Variants in CAST observed in about 807,000 individuals in gnomAD.
The protein encoded by CAST is calpastatin.
CAST carries 76 observed loss-of-function variants against 119.6 expected under a neutral mutation model. The observed-to-expected ratio is 0.64, with a 90% CI of 0.53 to 0.77. CAST has a LOEUF of 0.77. Among genes scored for constraint, CAST ranks in the 30% least tolerant of loss-of-function variants. CAST has a pLI of 0.00. For missense variants in CAST, 953 were observed against 946.5 expected, an observed-to-expected ratio of 1.01 and a Z score of -0.09; for synonymous variants, 319 against 331.6, an observed-to-expected ratio of 0.96 and a Z score of 0.41.
At chr5:96,004,173 A>G in the CAST span, among the ~76,000 whole-genome samples, 16 of 152,338 alleles carry the variant, frequency 1.1e-4, no homozygotes, top group Non-Finnish European at 1.9e-4. Flanking sequence ...GGCCTCTGTC[A>G]TAGGATGAAA....
the CAST span, among the ~76,000 whole-genome samples, chr5:96,350,638 C>T: frequency 1.8e-3 from 275 of 152,142 alleles, no homozygotes; most frequent in Middle Eastern, 6.8e-3. Flanking sequence ...TGACACAATT[C>T]CCAGCTTGAC....
At chr5:96,348,033 A>G in the CAST span, among the ~76,000 whole-genome samples, 1 of 152,182 alleles carries the variant, frequency 6.6e-6, no homozygotes, top group East Asian at 1.9e-4. Context: ...ATGCCAGACA[A>G]TGTTTTAAGT....
chr5:96,583,859 A>C (rs945961992), intron 1 of CAST, among the ~76,000 whole-genome samples: 1 of 152,172 alleles, frequency 6.6e-6, no homozygotes, highest in Non-Finnish European at 1.5e-5. Flanking sequence ...AGGTATTGAG[A>C]AGTTAAGACA....
At chr5:96,705,243 T>G (rs975672316) in intron 3 of CAST, among the ~76,000 whole-genome samples, 1 of 151,952 alleles carries the variant, frequency 6.6e-6, no homozygotes, top group African/African-American at 2.4e-5. Flanking sequence ...CAGTTGAGCC[T>G]GGGAGGTTAA....
the CAST span, among the ~76,000 whole-genome samples, chr5:96,306,052 A>G: frequency 6.1e-4 from 93 of 152,278 alleles, no homozygotes; most frequent in Middle Eastern, 6.8e-3. Context: ...CTCTGTTAGA[A>G]TTTGGCTGTG....
chr5:96,498,724 A>G, the CAST span, among the ~76,000 whole-genome samples: 2 of 152,224 alleles, frequency 1.3e-5, no homozygotes, highest in African/African-American at 4.8e-5. Context: ...CTTCAGTGAA[A>G]CAATGAACAT....
the CAST span, among the ~76,000 whole-genome samples, chr5:96,514,170 G>A: frequency 2.8e-4 from 42 of 152,220 alleles, no homozygotes; most frequent in African/African-American, 9.4e-4. Context: ...TGGGGGCTAA[G>A]GACTTCAACG....
chr5:95,995,992 CA>C, the CAST span, among the ~76,000 whole-genome samples: 1 of 152,114 alleles, frequency 6.6e-6, no homozygotes, highest in Non-Finnish European at 1.5e-5. Flanking sequence ...CATAGCAGCT[CA>C]AAATCTTTTG....
chr5:96,021,605 C>T, the CAST span, among the ~76,000 whole-genome samples: 2 of 152,072 alleles, frequency 1.3e-5, no homozygotes, highest in African/African-American at 2.4e-5. Context: ...GCCACCACGC[C>T]CAGCTAATTT....
At chr5:96,577,331 T>A (rs1746690816) in intron 1 of CAST, among the ~76,000 whole-genome samples, 1 of 152,134 alleles carries the variant, frequency 6.6e-6, no homozygotes, top group Non-Finnish European at 1.5e-5. Flanking sequence ...TTTTAAGAAT[T>A]AGTTATTTTC....
chr5:96,517,013 C>T, the CAST span, among the ~76,000 whole-genome samples: 1 of 152,170 alleles, frequency 6.6e-6, no homozygotes, highest in Non-Finnish European at 1.5e-5. Context: ...CCCCAGCTCT[C>T]TCCTGGTTTT....
intron 1 of CAST, among the ~76,000 whole-genome samples, chr5:96,648,097 A>G (rs1388711466): frequency 2.0e-5 from 3 of 152,226 alleles, no homozygotes; most frequent in African/African-American, 4.8e-5. Context: ...AAACACTACA[A>G]TATCACTTCT....
intron 9 of CAST, among the ~76,000 whole-genome samples, chr5:96,732,884 G>C (rs916773668): frequency 1.3e-5 from 2 of 152,214 alleles, no homozygotes; most frequent in Non-Finnish European, 2.9e-5. Flanking sequence ...AAGTAAGCAA[G>C]TGAAGGAACA....
the CAST span, among the ~76,000 whole-genome samples, chr5:96,456,257 CT>C: frequency 6.6e-6 from 1 of 152,178 alleles, no homozygotes; most frequent in South Asian, 2.1e-4. Flanking sequence ...GTGAATTCTG[CT>C]TATTTTTAAT....
chr5:96,039,037 T>G, the CAST span, among the ~76,000 whole-genome samples: 22 of 152,152 alleles, frequency 1.4e-4, no homozygotes, highest in Non-Finnish European at 2.9e-4. Flanking sequence ...GCATCTGTTG[T>G]TTCCTGATAT....
the CAST span, among the ~76,000 whole-genome samples, chr5:96,366,617 A>T: frequency 2.0e-5 from 3 of 152,316 alleles, no homozygotes; most frequent in Middle Eastern, 6.8e-3. Context: ...CAGTTGATCG[A>T]ATCAGCTACT....
the CAST span, among the ~76,000 whole-genome samples, chr5:96,293,690 G>T: frequency 6.6e-6 from 1 of 152,142 alleles, no homozygotes; most frequent in South Asian, 2.1e-4. Flanking sequence ...TTTAGAATAT[G>T]TGTATTGTTT....
At chr5:96,696,815 C>T (rs1339307689) in intron 3 of CAST, among the ~76,000 whole-genome samples, 1 of 151,966 alleles carries the variant, frequency 6.6e-6, no homozygotes, top group Non-Finnish European at 1.5e-5. Context: ...GTGACAGTGC[C>T]ACTGCACTCC....
chr5:96,690,286 C>T (rs1293458935), intron 2 of CAST, among the ~76,000 whole-genome samples: 3 of 152,024 alleles, frequency 2.0e-5, no homozygotes, highest in Non-Finnish European at 4.4e-5. Flanking sequence ...GGCTGGAATG[C>T]AATGGTGTGA....
Sources: gnomAD v4.1 joint callset for allele counts (sites outside exome capture counted in the v4.1 genomes callset) on GRCh38, gnomAD v4.1.1 for gene constraint, MANE v1.5 for transcripts, NCBI Gene and HGNC (gene_info 2026-07-23, HGNC 2026-07-21) for gene names.